The following NSF variants were observed in gnomAD, a reference collection of about 807,000 sequenced individuals.
The protein encoded by NSF is N-ethylmaleimide sensitive factor, vesicle fusing ATPase, also known as vesicle-fusing ATPase.
Under a neutral mutation model 50.3 loss-of-function variants are expected in NSF, and 14 were observed. The ratio of observed to expected loss-of-function variants is 0.28; its 90% CI spans 0.18 to 0.44. The LOEUF (loss-of-function observed/expected upper bound fraction) is 0.44, where lower values mean the gene tolerates loss of function less well. Among genes scored for constraint, NSF ranks in the 20% least tolerant of loss-of-function variants. The pLI is 1.00. For synonymous variants in NSF, 109 were observed against 175.7 expected (o/e 0.62, Z 3.00); for missense variants, 218 against 504.3 (o/e 0.43, Z 5.44).
rs148930686 is a variant in NSF, at chr17:46,635,777, ATGTGTGTGTGTGTGTG to A, written c.239-1572_239-1557del. Among the ~76,000 whole-genome samples the A allele has an allele frequency of 1.7e-5, 2 of 116,794 alleles. 1 individual carries two copies. The highest frequency in any genetic ancestry group is 3.8e-5 in the Non-Finnish European group (2 of 52,836). The allele number at this position is 116,794 out of a possible 152,430, so 76.6% of individuals were successfully genotyped here. On this transcript the variant is annotated intron_variant, in intron 4 of 20. Coordinates refer to ENST00000398238, the MANE Select transcript of NSF (RefSeq NM_006178.4). ...TTCAGGGAACCTAAAGGGAAAATAAATGTGTGTGTGTGTGTGTGTGTGTGTGTGTGTGTGTGTGTGT... is the reference window on the plus strand; with the variant it reads ...TTCAGGGAACCTAAAGGGAAAATAAATGTGTGTGTGTGTGTGTGTGTGTGT...
At position 46,749,919 on chromosome 17, in the gene NSF, T is replaced by G. The variant is rs751734445; in HGVS notation, c.2043+12T>G. ...TGGAAGCTTTGGAGGTAAAAATGAG[T>G]CAATGGATTGCACACTGTTTATAAG... On this transcript the variant is annotated intron_variant, in intron 18 of 20. Transcript: ENST00000398238. 1.2e-6 allele frequency: 2 copies of G among 1,613,212 alleles called. No individual in the cohort carries two copies.
chr17:46,750,995 A>G (rs1375732232), intron 18 of NSF, among the ~76,000 whole-genome samples: 1 of 152,158 alleles, frequency 6.6e-6, no homozygotes, highest in African/African-American at 2.4e-5. Flanking sequence ...TAACTTGGTG[A>G]GCTCTATTGG....
At chr17:46,708,432 G>A (rs997513175) in intron 13 of NSF, among the ~76,000 whole-genome samples, 35 of 149,978 alleles carry the variant, frequency 2.3e-4, no homozygotes, top group African/African-American at 7.6e-4. Flanking sequence ...TTGTATTTTC[G>A]TAATGATTAG....
intron 17 of NSF, among the ~76,000 whole-genome samples, chr17:46,740,338 A>C (rs185626282): frequency 6.7e-4 from 102 of 152,210 alleles, no homozygotes; most frequent in Non-Finnish European, 1.0e-3. Flanking sequence ...AACATTGTGA[A>C]CATAAGAGAC....
At chr17:46,722,160 C>T in intron 15 of NSF, 2 of 1,611,820 alleles carry the variant, frequency 1.2e-6, no homozygotes, top group African/African-American at 1.3e-5. Flanking sequence ...GGCGCTCGAA[C>T]TGAACATGGC....
intron 8 of NSF, among the ~76,000 whole-genome samples, chr17:46,668,811 TAAAA>T (rs949906928): frequency 7.2e-6 from 1 of 138,678 alleles, no homozygotes; most frequent in Non-Finnish European, 1.5e-5. Flanking sequence ...ACCCTGTCTC[TAAAA>T]AAGTACTTGA....
chr17:46,751,553 C>G lies in NSF; in HGVS notation c.2094C>G (p.Val698=), dbSNP rs369078079. The G allele has an allele frequency of 5.0e-6, 8 of 1,613,884 alleles. No individual in the cohort carries two copies. The highest frequency in any genetic ancestry group is 2.2e-5 in the East Asian group (1 of 44,882). Residue 698 remains valine (V), a synonymous_variant, in exon 19 of 21, where the codon GTC becomes GTG. Transcript: ENST00000398238. ...DKERTTIAQQ[V]KGKKVWIGIK... Reference sequence around the variant, plus strand: ...AACGCACCACAATTGCACAGCAAGTCAAAGGGAAGAAGGTCTGGATAGGAA... The same window carrying G: ...AACGCACCACAATTGCACAGCAAGTGAAAGGGAAGAAGGTCTGGATAGGAA...
At position 46,728,855 on chromosome 17, in the gene NSF, A is replaced by C; in HGVS notation, c.1829A>C (p.Asp610Ala). 2.5e-6 allele frequency: 4 copies of C among 1,599,300 alleles called. No homozygotes were observed. Among genetic ancestry groups the C allele is most frequent in the Non-Finnish European group, 3.4e-6 (4 of 1,172,198 alleles). The change falls in exon 17 of 21, where the codon GAT becomes GCT. Residue 610 changes from aspartate to alanine, a missense_variant and splice_region_variant. Coordinates refer to ENST00000398238, the MANE Select transcript of NSF (RefSeq NM_006178.4). ...VVVDDIERLL[D>A]YVPIGPRFSN... ...AAACATAATAATGTTTCTTTTCCAG[A>C]TTACGTCCCTATTGGCCCTCGATTT...
intron 9 of NSF, among the ~76,000 whole-genome samples, chr17:46,690,617 A>G (rs2058538361): frequency 9.1e-6 from 1 of 109,688 alleles, no homozygotes; most frequent in African/African-American, 3.3e-5. Flanking sequence ...GTCTCAAAAA[A>G]AAAAAAAATA....
chr17:46,657,850 C>T (rs2058273042), intron 8 of NSF, among the ~76,000 whole-genome samples: 1 of 78,472 alleles, frequency 1.3e-5, no homozygotes, highest in South Asian at 5.9e-4. Context: ...GAGAGTGATA[C>T]CTTGTTCCCC....
At chr17:46,722,422 G>A (rs1053797940) in intron 15 of NSF, among the ~76,000 whole-genome samples, 2 of 152,158 alleles carry the variant, frequency 1.3e-5, no homozygotes, top group African/African-American at 4.8e-5. Flanking sequence ...GTACTAGTCT[G>A]GCTAGGGCAG....
chr17:46,726,526 T>C, intron 15 of NSF, 23 bp from the exon 16 acceptor site: 2 of 1,611,222 alleles, frequency 1.2e-6, no homozygotes, highest in Non-Finnish European at 1.7e-6. Context: ...AGTGAGATAA[T>C]AAATGACTTT....
chr17:46,679,746 T>C (rs552155526), intron 9 of NSF, among the ~76,000 whole-genome samples: 1 of 150,740 alleles, frequency 6.6e-6, no homozygotes, highest in African/African-American at 2.4e-5. Flanking sequence ...CAAATGTGCA[T>C]GTGAAAGTTG....
chr17:46,704,846 A>G lies in NSF; in HGVS notation c.1462A>G (p.Ile488Val), dbSNP rs762333917. 24 of 1,599,036 alleles carry G rather than the reference A, an allele frequency of 1.5e-5. No individual in the cohort carries two copies. Among genetic ancestry groups the G allele is most frequent in the African/African-American group, 2.7e-5 (2 of 73,812 alleles). ...GDFLASLEND[I>V]KPAFGTNQED... Reference sequence around the variant, plus strand: ...CTTCCTTGCTTCTTTGGAGAATGATATCAAACCAGTGAGTATGCCCATTGA... The same window carrying G: ...CTTCCTTGCTTCTTTGGAGAATGATGTCAAACCAGTGAGTATGCCCATTGA... The change falls in exon 13 of 21, where the codon ATC becomes GTC. Residue 488 changes from isoleucine to valine, a missense_variant. By Grantham distance (29) the Ile-to-Val change is conservative. Around this residue, in one of 2 missense-constraint regions of NSF, gnomAD observed 209 missense variants for 320.9 expected, o/e 0.65. Transcript: ENST00000398238.
chr17:46,631,516 CT>C (rs1273910975), intron 4 of NSF, among the ~76,000 whole-genome samples: 1 of 121,112 alleles, frequency 8.3e-6, no homozygotes, highest in Non-Finnish European at 1.6e-5. Flanking sequence ...TTAGCTTTTT[CT>C]TTGTGGAAGT....
intron 12 of NSF, among the ~76,000 whole-genome samples, chr17:46,697,384 G>A (rs918637149): frequency 4.7e-5 from 7 of 148,898 alleles, no homozygotes; most frequent in Non-Finnish European, 8.9e-5. Flanking sequence ...CTAATTTTTT[G>A]TATCTTTAGT....
chr17:46,720,111 T>C (rs565481981), intron 15 of NSF, among the ~76,000 whole-genome samples: 1 of 152,302 alleles, frequency 6.6e-6, no homozygotes, highest in South Asian at 2.1e-4. Context: ...GAGCTGGAAA[T>C]TGGATCTTTT....
At chr17:46,745,770 C>T (rs1172800403) in intron 17 of NSF, among the ~76,000 whole-genome samples, 1 of 152,166 alleles carries the variant, frequency 6.6e-6, no homozygotes, top group Non-Finnish European at 1.5e-5. Context: ...GCCTTTAGGG[C>T]TATGTTCCCA....
At chr17:46,747,294 T>G (rs2059139163) in intron 17 of NSF, among the ~76,000 whole-genome samples, 1 of 152,146 alleles carries the variant, frequency 6.6e-6, no homozygotes, top group East Asian at 1.9e-4. Flanking sequence ...ACAAGTTTGT[T>G]TTTTGAGACA....
Sources: allele counts gnomAD v4.1 joint callset (sites outside exome capture counted in the v4.1 genomes callset), GRCh38; gene constraint gnomAD v4.1.1; regional missense constraint gnomAD v4.1.1; transcripts MANE v1.5; gene names NCBI Gene and HGNC (gene_info 2026-07-23, HGNC 2026-07-21).